FLG: variants seen among roughly 807,000 people sequenced by gnomAD.
FLG encodes the protein epidermal filaggrin.
A neutral mutation model predicts 3.8 loss-of-function variants in FLG; 6 were observed. That is an observed-to-expected ratio of 1.60 (90% CI 0.87 to 3.15). The LOEUF (loss-of-function observed/expected upper bound fraction) is 3.15, where lower values mean the gene tolerates loss of function less well. Among genes scored for constraint, FLG ranks in the 30% most tolerant of loss-of-function variants. The pLI, the probability that FLG is intolerant of heterozygous loss-of-function variation, is 0.00. For synonymous variants in FLG, 2,551 were observed against 1,931.6 expected (o/e 1.32, Z -8.41); for missense variants, 7,595 against 5,050.9 (o/e 1.50, Z -15.27).
At position 152,314,434 on chromosome 1, in the gene FLG, C is replaced by G; in HGVS notation, c.452G>C (p.Arg151Thr). 1.2e-6 allele frequency: 2 copies of G among 1,613,416 alleles called. No individual in the cohort carries two copies. Among genetic ancestry groups the G allele is most frequent in the South Asian group, 1.1e-5 (1 of 91,050 alleles). Reference protein sequence around the residue: ...SKSPRETGGKRHESSSEKKER... With the variant: ...SKSPRETGGKTHESSSEKKER... ...TTTTTTTTCAGAACTAGATTCATGC[C>G]TTTTCCCCCCTGTTTCTCTTGGGCT... Residue 151 changes from arginine (R) to threonine (T), a missense_variant, in exon 3 of 3, where the codon AGG (arginine) becomes ACG (threonine). Arg to Thr is a moderately conservative substitution (Grantham distance 71). Coordinates refer to ENST00000368799, the MANE Select transcript of FLG (RefSeq NM_002016.2).
Position 152,311,001 on chromosome 1 carries a change from A to G in FLG, c.3885T>C (p.His1295=). Residue 1295 remains histidine, a synonymous_variant, in exon 3 of 3, where the codon CAT becomes CAC. Transcript: ENST00000368799. The part of the protein sequence containing the change: ...RLSGSASRNH[H]GSSREQSRDG... Reference sequence around the variant, plus strand: ...CTCTTGACTGCTCCCGAGAAGATCCATGATGGTTTCTGGAAGCAGACCCAG... The same window carrying G: ...CTCTTGACTGCTCCCGAGAAGATCCGTGATGGTTTCTGGAAGCAGACCCAG... The G allele has an allele frequency of 3.1e-6, 5 of 1,613,784 alleles. No homozygotes were observed. Among genetic ancestry groups the G allele is most frequent in the Non-Finnish European group, 4.2e-6 (5 of 1,179,936 alleles).
At position 152,307,112 on chromosome 1, in the gene FLG, G is replaced by T. The variant is rs200339029; in HGVS notation, c.7774C>A (p.His2592Asn). The change falls in exon 3 of 3, where the codon CAT (histidine) becomes AAT (asparagine). Residue 2592 changes from histidine (H) to asparagine (N), a missense_variant. By Grantham distance (68) the His-to-Asn change is moderately conservative. Transcript: ENST00000368799. Reference protein sequence around the residue: ...RWSGSASRNHHGSAQEQLRDG... With the variant: ...RWSGSASRNHNGSAQEQLRDG... ...CTTAGCTGCTCCTGAGCAGATCCAT[G>T]ATGGTTTCTGGAAGCAGACCCAGAC... The T allele has an allele frequency of 2.5e-4, 401 of 1,611,740 alleles. No individual in the cohort carries two copies. The highest frequency in any genetic ancestry group is 1.3e-3 in the Middle Eastern group (8 of 6,062).
In FLG at chr1:152,309,389, C is replaced by G. The variant is rs139153630; in HGVS notation, c.5497G>C (p.Val1833Leu). The stretch of plus-strand genomic sequence containing the variant: ...GACCCTGAGTGTCCAGAACTATCTA[C>G]CGATTGCTCATAGTGGGATCCCTGC... ...GRQGSHYEQS[V>L]DSSGHSGSHH... Residue 1833 changes from valine to leucine, a missense_variant, in exon 3 of 3, where the codon GTA (valine) becomes CTA (leucine). Physicochemically the swap from Val to Leu is conservative, Grantham distance 32. Transcript: ENST00000368799. The G allele has an allele frequency of 6.2e-7, 1 of 1,613,794 alleles. No homozygotes were observed. The highest frequency in any genetic ancestry group is 8.5e-7 in the Non-Finnish European group (1 of 1,179,992).
intron 1 of FLG, among the ~76,000 whole-genome samples, chr1:152,320,225 T>A (rs920352254): frequency 9.3e-5 from 14 of 150,260 alleles, no homozygotes; most frequent in Admixed American, 9.3e-4. Context: ...ACAGAACAGG[T>A]GAGATAGTAG....
rs1431803609 is a variant in FLG at position 152,312,700 on chromosome 1, T to C, written c.2186A>G (p.Gln729Arg). 1.9e-6 allele frequency: 3 copies of C among 1,613,868 alleles called. No individual in the cohort carries two copies. Among genetic ancestry groups the C allele is most frequent in the Non-Finnish European group, 2.5e-6 (3 of 1,180,012 alleles). Residue 729 changes from glutamine (Q) to arginine (R), a missense_variant, in exon 3 of 3, where the codon CAA becomes CGA. Coordinates refer to ENST00000368799, the MANE Select transcript of FLG (RefSeq NM_002016.2). ...SSRHSGTGHG[Q>R]ASSAVRDSGH... The stretch of plus-strand genomic sequence containing the variant: ...ACTGTCTCTGACTGCAGATGAAGCT[T>C]GTCCGTGCCCAGTGCCTGAGTGTCT...
At chr1:152,314,826 A>T in intron 2 of FLG, 79 bp from the exon 3 acceptor site, 15 of 1,579,002 alleles carry the variant, frequency 9.5e-6, no homozygotes, top group Middle Eastern at 1.7e-4. Flanking sequence ...AGTTAATTTA[A>T]GGAACCTGAT....
rs1570912836 is a variant in FLG at position 152,312,918 on chromosome 1, G to C, written c.1968C>G (p.Gly656=). 7.4e-6 allele frequency: 12 copies of C among 1,614,010 alleles called. No individual in the cohort carries two copies. In the East Asian group the frequency reaches 2.7e-4, roughly 36 times the overall value. Residue 656 remains glycine, a synonymous_variant, in exon 3 of 3, where the codon GGC becomes GGG. Transcript: ENST00000368799. ...CGTGATGGGACCTGGGGTGTCTGGA[G>C]CCATCTCTTGACTGCTCCTGAGCAG... ...HGSAQEQSRD[G]SRHPRSHHED... is the part of the protein sequence containing the mutation.
chr1:152,313,663 G>A lies in FLG; in HGVS notation c.1223C>T (p.Ala408Val). The A allele has an allele frequency of 6.2e-7, 1 of 1,613,912 alleles. No homozygotes were observed. The highest frequency in any genetic ancestry group is 1.1e-5 in the South Asian group (1 of 91,048). ...SATGRGQASS[A>V]VSDRGHRGSS... ...CCCCCGGTGTCCACGATCGCTGACT[G>A]CAGATGAAGCTTGCCCGCGCCCAGT... Residue 408 changes from alanine to valine, a missense_variant, in exon 3 of 3, where the codon GCA (alanine) becomes GTA (valine). Ala to Val is a moderately conservative substitution (Grantham distance 64, BLOSUM62 0). Transcript: ENST00000368799.
rs1387175668 is a variant in FLG, at chr1:152,307,399, G to A, written c.7487C>T (p.Thr2496Ile). The change falls in exon 3 of 3, where the codon ACA (threonine) becomes ATA (isoleucine). Residue 2496 changes from threonine (T) to isoleucine (I), a missense_variant. Coordinates refer to ENST00000368799, the MANE Select transcript of FLG (RefSeq NM_002016.2). ...GGAGGCATCAGACCTTCCCTGGGATGTGGTGTGGCTGTGATGAGACCCTGA... is the reference window on the plus strand; with the variant it reads ...GGAGGCATCAGACCTTCCCTGGGATATGGTGTGGCTGTGATGAGACCCTGA... The part of the protein sequence containing the change: ...GHSGSHHSHT[T>I]SQGRSDASHG... 3.1e-6 allele frequency: 5 copies of A among 1,613,104 alleles called. No individual in the cohort carries two copies. The highest frequency in any genetic ancestry group is 1.7e-5 in the Admixed American group (1 of 59,916).
At position 152,302,570 on chromosome 1, in the gene FLG, ATAC is replaced by A; in HGVS notation, c.*127_*129del. The stretch of plus-strand genomic sequence containing the variant: ...AATAAGCTACCACCAAACTAATGAA[ATAC>A]TATAGCATATTTTAAACAGATTGAC... On this transcript the variant is annotated 3_prime_UTR_variant, in exon 3 of 3. Transcript: ENST00000368799. 1 of 1,180,440 alleles carries A rather than the reference ATAC, an allele frequency of 8.5e-7. No homozygotes were observed. Among genetic ancestry groups the A allele is most frequent in the South Asian group, 1.5e-5 (1 of 64,936 alleles). The allele number at this position is 1,180,440 out of a possible 1,614,324, so 73.1% of individuals were successfully genotyped here.
In FLG at chr1:152,313,706, T is replaced by A. The variant is rs753421237; in HGVS notation, c.1180A>T (p.Ser394Cys). The A allele has an allele frequency of 1.2e-6, 2 of 1,614,162 alleles. No individual in the cohort carries two copies. Residue 394 changes from serine to cysteine, a missense_variant, in exon 3 of 3, where the codon AGC (serine) becomes TGC (cysteine). Coordinates refer to ENST00000368799, the MANE Select transcript of FLG (RefSeq NM_002016.2). ...CGCCCAGTGGCTGAGTGTCTGGAGC[T>A]GTCTGCTGACTGCTGGTGGCCGGAT... ...HGSGHQQSADSSRHSATGRGQ... is the reference protein window; with the variant it reads ...HGSGHQQSADCSRHSATGRGQ...
chr1:152,303,165 G>A lies in FLG; in HGVS notation c.11721C>T (p.Arg3907=), dbSNP rs374091552. The part of the protein sequence containing the change: ...DGSRHPGSSH[R]DTASHVQSSP... Reference sequence around the variant, plus strand: ...AAGACTGTACATGACTGGCTGTATCGCGGTGAGAGGATCCGGGGTGTCTGG... The same window carrying A: ...AAGACTGTACATGACTGGCTGTATCACGGTGAGAGGATCCGGGGTGTCTGG... Residue 3907 remains arginine, a synonymous_variant, in exon 3 of 3, where the codon CGC becomes CGT. Coordinates refer to ENST00000368799, the MANE Select transcript of FLG (RefSeq NM_002016.2). 70 of 1,614,008 alleles carry A rather than the reference G, an allele frequency of 4.3e-5. No individual in the cohort carries two copies. The highest frequency in any genetic ancestry group is 3.2e-4 in the South Asian group (29 of 91,082).
rs1253823938 is a variant in FLG, at chr1:152,312,249, C to G, written c.2637G>C (p.Arg879Ser). Residue 879 changes from arginine (R) to serine (S), a missense_variant, in exon 3 of 3, where the codon AGG becomes AGC. Physicochemically the swap from Arg to Ser is moderately radical, Grantham distance 110. Coordinates refer to ENST00000368799, the MANE Select transcript of FLG (RefSeq NM_002016.2). ...CTGACTGCCCACGGGAGGCATCAGA[C>G]CTTCCCTGGGATGTGGTGTGGCTGT... is the stretch of plus-strand genomic sequence containing the variant. ...SHHSHTTSQGRSDASRGQSGS... is the reference protein window; with the variant it reads ...SHHSHTTSQGSSDASRGQSGS... 3 of 1,613,862 alleles carry G rather than the reference C, an allele frequency of 1.9e-6. No homozygotes were observed. Among genetic ancestry groups the G allele is most frequent in the East Asian group, 2.2e-5 (1 of 44,834 alleles).
At chr1:152,318,088 A>G (rs1652846322) in intron 1 of FLG, among the ~76,000 whole-genome samples, 1 of 151,878 alleles carries the variant, frequency 6.6e-6, no homozygotes, top group South Asian at 2.1e-4. Context: ...AGTATCTTCC[A>G]TCTTAAAACC....
rs140749305 is a variant in FLG, at chr1:152,306,400, C to T, written c.8486G>A (p.Arg2829His). 1.2e-3 allele frequency: 1,880 copies of T among 1,601,126 alleles called. No individual in the cohort carries two copies. Among genetic ancestry groups the T allele is most frequent in the African/African-American group, 3.3e-3 (211 of 63,786 alleles). ...TGCACTTCTGGATCCTGACTGCCCA[C>T]GGGAGGCATCAGACCTTCCCTGGGA... ...TTSQGRSDAS[R>H]GQSGSRSASR... Residue 2829 changes from arginine to histidine, a missense_variant, in exon 3 of 3, where the codon CGT becomes CAT. Arg to His is a conservative substitution (Grantham distance 29). Transcript: ENST00000368799.
Position 152,311,858 on chromosome 1 carries a change from C to T in FLG, c.3028G>A (p.Ala1010Thr), listed in dbSNP as rs762048350. The change falls in exon 3 of 3, where the codon GCA (alanine) becomes ACA (threonine). Residue 1010 changes from alanine (A) to threonine (T), a missense_variant. By Grantham distance (58) the Ala-to-Thr change is moderately conservative (BLOSUM62 0). Coordinates refer to ENST00000368799, the MANE Select transcript of FLG (RefSeq NM_002016.2). ...DSSRQSGTPH[A>T]ETSSGGQAAS... The stretch of plus-strand genomic sequence containing the variant: ...GCCTGTCCACCAGAGGAAGTCTCTG[C>T]GTGAGGAGTTCCTGATTGTCTGGAG... 74 of 1,613,964 alleles carry T rather than the reference C, an allele frequency of 4.6e-5. No individual in the cohort carries two copies. Among genetic ancestry groups the T allele is most frequent in the East Asian group, 1.8e-4 (8 of 44,862 alleles).
chr1:152,313,496 G>A lies in FLG; in HGVS notation c.1390C>T (p.Arg464Cys), dbSNP rs370607266. ...ACCTGGTAGAGGGAAGACCCTGAAC[G>A]TCCAGACCGTTCCCCTGACCGGCCA... is the stretch of plus-strand genomic sequence containing the variant. ...TRGRSGERSG[R>C]SGSSLYQVST... The change falls in exon 3 of 3, where the codon CGT becomes TGT. Residue 464 changes from arginine (R) to cysteine (C), a missense_variant. By Grantham distance (180) the Arg-to-Cys change is radical (BLOSUM62 -3). Transcript: ENST00000368799. The A allele has an allele frequency of 3.8e-5, 61 of 1,613,856 alleles. No individual in the cohort carries two copies. In the African/African-American group the frequency reaches 5.9e-4, roughly 16 times the overall value.
Position 152,307,258 on chromosome 1 carries a change from C to G in FLG, c.7628G>C (p.Ser2543Thr), listed in dbSNP as rs12081093. 1 of 1,608,714 alleles carries G rather than the reference C, an allele frequency of 6.2e-7. No homozygotes were observed. The highest frequency in any genetic ancestry group is 1.1e-5 in the South Asian group (1 of 91,038). The change falls in exon 3 of 3, where the codon AGC becomes ACC. Residue 2543 changes from serine to threonine, a missense_variant. Physicochemically the swap from Ser to Thr is moderately conservative, Grantham distance 58. Coordinates refer to ENST00000368799, the MANE Select transcript of FLG (RefSeq NM_002016.2). ...CTGGCCCACCTGCGAGTGTCCAGAGCTGTCGGCCCGAGAGGAAGCTTCATG... is the reference window on the plus strand; with the variant it reads ...CTGGCCCACCTGCGAGTGTCCAGAGGTGTCGGCCCGAGAGGAAGCTTCATG... Reference protein sequence around the residue: ...RHHEASSRADSSGHSQVGQGQ... With the variant: ...RHHEASSRADTSGHSQVGQGQ...
rs536394626 is a variant in FLG, at chr1:152,312,345, T to A, written c.2541A>T (p.Ser847=). Residue 847 remains serine (S), a synonymous_variant, in exon 3 of 3, where the codon TCA becomes TCT. Transcript: ENST00000368799. ...GQDTIRGHPG[S]SRRGRQGSHH... ...GGGACCCCTGCCTTCCTCTTCTGCT[T>A]GACCCCGGGTGTCCACGAATGGTGT... is the stretch of plus-strand genomic sequence containing the variant. 6 of 1,612,444 alleles carry A rather than the reference T, an allele frequency of 3.7e-6. No homozygotes were observed. In the East Asian group the frequency reaches 8.9e-5, roughly 24 times the overall value.
Sources: gnomAD v4.1 joint callset for allele counts (sites outside exome capture counted in the v4.1 genomes callset) on GRCh38, gnomAD v4.1.1 for gene constraint, MANE v1.5 for transcripts, NCBI Gene and HGNC (gene_info 2026-07-23, HGNC 2026-07-21) for gene names.